POU2F1: variants seen among roughly 807,000 people sequenced by gnomAD.
POU2F1 encodes POU class 2 homeobox 1.
Under a neutral mutation model 84.9 loss-of-function variants are expected in POU2F1, and 16 were observed. The observed-to-expected ratio is 0.19, with a 90% CI of 0.13 to 0.29. POU2F1 has a LOEUF of 0.29. POU2F1 is among the 10% of genes least tolerant of loss of function. The pLI, the probability that POU2F1 is intolerant of heterozygous loss-of-function variation, is 1.00. For missense variants in POU2F1, 738 were observed against 942.6 expected (o/e 0.78, Z 2.84); for synonymous variants, 368 against 368.3 (o/e 1.00, Z 0.01).
chr1:167,231,169 T>C (rs528095231), intron 1 of POU2F1, among the ~76,000 whole-genome samples: 5 of 152,314 alleles, frequency 3.3e-5, no homozygotes, highest in African/African-American at 1.2e-4. Flanking sequence ...AATCACTAAA[T>C]TTTTCCAACC....
chr1:167,393,896 A>G (rs1417954543), intron 9 of POU2F1, among the ~76,000 whole-genome samples: 2 of 152,204 alleles, frequency 1.3e-5, no homozygotes, highest in African/African-American at 4.8e-5. Flanking sequence ...CAAGCTGACC[A>G]TGACATGAAT....
intron 1 of POU2F1, among the ~76,000 whole-genome samples, chr1:167,282,265 T>A (rs1261398254): frequency 6.8e-6 from 1 of 146,812 alleles, no homozygotes; most frequent in East Asian, 2.0e-4. Context: ...TGCCTCAGCC[T>A]CCCGAATAGC....
intron 2 of POU2F1, among the ~76,000 whole-genome samples, chr1:167,343,632 A>ATTTTTTTTTTTTTTTTTTT (rs869170039): frequency 1.4e-5 from 1 of 69,398 alleles, no homozygotes; most frequent in Non-Finnish European, 2.8e-5. Context: ...CCAGGGGTCA[A>ATTTTTTTTTTTTTTTTTTT]TTTTTTTTTT....
chr1:167,283,538 T>C (rs1483504391), intron 1 of POU2F1, among the ~76,000 whole-genome samples: 2 of 152,144 alleles, frequency 1.3e-5, no homozygotes, highest in Admixed American at 1.3e-4. Flanking sequence ...ATTGTGTGTA[T>C]TGGTGATTAT....
intron 1 of POU2F1, among the ~76,000 whole-genome samples, chr1:167,310,298 C>T (rs1207211867): frequency 1.3e-5 from 2 of 151,970 alleles, no homozygotes; most frequent in African/African-American, 4.8e-5. Context: ...TGTAAAATGA[C>T]ATGATGGGAA....
chr1:167,381,289 T>TA (rs1379781329), intron 7 of POU2F1, among the ~76,000 whole-genome samples: 1 of 152,110 alleles, frequency 6.6e-6, no homozygotes, highest in African/African-American at 2.4e-5. Context: ...TTCACCGTGT[T>TA]AGCCAGGATG....
chr1:167,265,791 G>C (rs1259133639), intron 1 of POU2F1, among the ~76,000 whole-genome samples: 1 of 151,480 alleles, frequency 6.6e-6, no homozygotes, highest in Non-Finnish European at 1.5e-5. Context: ...GGCCAGTTAT[G>C]CTGCTAAACA....
intron 1 of POU2F1, among the ~76,000 whole-genome samples, chr1:167,328,289 T>C (rs1158452637): frequency 2.6e-5 from 4 of 152,202 alleles, no homozygotes; most frequent in African/African-American, 9.7e-5. Context: ...TTGTAGATAA[T>C]GAATTTCTAT....
chr1:167,246,383 A>T lies in POU2F1; in HGVS notation c.61+25425A>T, dbSNP rs532102333. 9.2e-5 allele frequency among the ~76,000 whole-genome samples: 14 copies of T among 152,320 alleles called. No individual in the cohort carries two copies. The South Asian group carries it at 2.9e-3, about 32-fold the overall frequency. On this transcript the variant is annotated intron_variant, in intron 1 of 15. Transcript: ENST00000367866. ...TTATGCCTCAGTTGAATAACTTTAC[A>T]TATTTACATTCGAAATATATGCTCA...
chr1:167,253,887 T>C (rs1004737992), intron 1 of POU2F1, among the ~76,000 whole-genome samples: 1 of 152,204 alleles, frequency 6.6e-6, no homozygotes, highest in African/African-American at 2.4e-5. Flanking sequence ...ATTTCATTTT[T>C]TTCTATTTGC....
At chr1:167,388,980 A>G (rs1027960418) in intron 8 of POU2F1, among the ~76,000 whole-genome samples, 1 of 152,188 alleles carries the variant, frequency 6.6e-6, no homozygotes, top group African/African-American at 2.4e-5. Flanking sequence ...TAAATAAGAA[A>G]AGCAGAGAGT....
rs557969323 is a variant in POU2F1, at chr1:167,256,368, T to C, written c.61+35410T>C. On this transcript the variant is annotated intron_variant, in intron 1 of 15. Transcript: ENST00000367866. ...TCCTTGAGACAATAAATTTCTTCTTTTTTTTTTTTTTTTGCTGAGTTTGTG... is the reference window on the plus strand; with the variant it reads ...TCCTTGAGACAATAAATTTCTTCTTCTTTTTTTTTTTTTGCTGAGTTTGTG... 1.8e-3 allele frequency among the ~76,000 whole-genome samples: 264 copies of C among 150,384 alleles called. 1 individual carries two copies. The highest frequency in any genetic ancestry group is 5.6e-3 in the African/African-American group (232 of 41,242).
At chr1:167,351,705 G>T (rs186857502) in intron 2 of POU2F1, among the ~76,000 whole-genome samples, 123 of 152,074 alleles carry the variant, frequency 8.1e-4, no homozygotes, top group Non-Finnish European at 1.3e-3. Flanking sequence ...ATTCCAGGCT[G>T]GATATTTCAT....
chr1:167,258,631 T>C (rs1422414985), intron 1 of POU2F1, among the ~76,000 whole-genome samples: 1 of 152,192 alleles, frequency 6.6e-6, no homozygotes, highest in Non-Finnish European at 1.5e-5. Flanking sequence ...AAATCTTTTC[T>C]TTGAAGGGTC....
intron 1 of POU2F1, among the ~76,000 whole-genome samples, chr1:167,317,452 T>G (rs913989513): frequency 6.6e-6 from 1 of 151,774 alleles, no homozygotes; most frequent in African/African-American, 2.4e-5. Context: ...GAGTGCAGAG[T>G]GGGAATCAGG....
At chr1:167,301,019 C>T (rs1312062302) in intron 1 of POU2F1, among the ~76,000 whole-genome samples, 2 of 152,204 alleles carry the variant, frequency 1.3e-5, no homozygotes, top group African/African-American at 4.8e-5. Flanking sequence ...ATCCGCCTGC[C>T]TTGGCCTCCC....
intron 1 of POU2F1, among the ~76,000 whole-genome samples, chr1:167,252,347 A>G (rs1183804911): frequency 2.0e-5 from 3 of 152,168 alleles, no homozygotes; most frequent in Non-Finnish European, 4.4e-5. Flanking sequence ...CAGAGAGTAT[A>G]TTTGACCAAC....
chr1:167,251,053 G>A (rs544195929), intron 1 of POU2F1, among the ~76,000 whole-genome samples: 41 of 152,238 alleles, frequency 2.7e-4, no homozygotes, highest in African/African-American at 9.9e-4. Context: ...TTTTTGTGAG[G>A]TGTATTATAA....
At chr1:167,274,426 C>T (rs1017581643) in intron 1 of POU2F1, among the ~76,000 whole-genome samples, 3 of 152,164 alleles carry the variant, frequency 2.0e-5, no homozygotes, top group African/African-American at 7.2e-5. Flanking sequence ...CTTTCCTCTT[C>T]TTTCCTTCTA....
Sources: gnomAD v4.1 joint callset for allele counts (sites outside exome capture counted in the v4.1 genomes callset) on GRCh38, gnomAD v4.1.1 for gene constraint, MANE v1.5 for transcripts, NCBI Gene and HGNC (gene_info 2026-07-23, HGNC 2026-07-21) for gene names.